The following ZNF124 variants were observed in gnomAD, a reference collection of about 807,000 sequenced individuals.
The protein encoded by ZNF124 is zinc finger protein HZF-16.
A neutral mutation model predicts 26.6 loss-of-function variants in ZNF124; 25 were observed. The ratio of observed to expected loss-of-function variants is 0.94; its 90% CI spans 0.68 to 1.31. The LOEUF is 1.31. Among genes scored for constraint, ZNF124 ranks in the 40% most tolerant of loss-of-function variants. The pLI is 0.00. For missense variants in ZNF124, 444 were observed against 422.2 expected (o/e 1.05, Z -0.45); for synonymous variants, 129 against 133.3 (o/e 0.97, Z 0.22).
intron 3 of ZNF124, among the ~76,000 whole-genome samples, chr1:247,139,689 G>A (rs768777548): frequency 1.3e-4 from 20 of 152,276 alleles, no homozygotes; most frequent in Non-Finnish European, 5.9e-5. Context: ...GGCAGGTCTG[G>A]TGGTAATGAA....
chr1:247,146,959 C>T (rs963953976), intron 3 of ZNF124, among the ~76,000 whole-genome samples: 2 of 152,068 alleles, frequency 1.3e-5, no homozygotes, highest in African/African-American at 4.8e-5. Context: ...CTGGAATGTC[C>T]ATGGGCATGC....
At position 247,144,743 on chromosome 1, in the gene ZNF124, G is replaced by A. The variant is rs569584148; in HGVS notation, c.218+14263C>T. 2.0e-5 allele frequency among the ~76,000 whole-genome samples: 3 copies of A among 152,044 alleles called. No individual in the cohort carries two copies. In the East Asian group the frequency reaches 5.8e-4, roughly 29 times the overall value. On this transcript the variant is annotated intron_variant, in intron 3 of 3. Transcript: ENST00000472531. ...GTCTAGTACAAACTAAGCTAGGGTT[G>A]CATTTAGCGGAAAGGAAGATTATCT...
In ZNF124 at chr1:247,126,324, AG is replaced by A. The variant is rs1368528230; in HGVS notation, c.219-2454del. Among the ~76,000 whole-genome samples the A allele has an allele frequency of 3.9e-5, 4 of 102,664 alleles. No homozygotes were observed. The East Asian group carries it at 7.8e-4, about 20-fold the overall frequency. 67.4% of individuals were successfully genotyped at this position (102,664 alleles called of 152,430 possible). A position where few individuals can be genotyped will look rare whatever the true frequency, so the allele number is the denominator to read the frequency against. ...GCTGTCACCTGTCACTAAGAGTCTGAGGGGGCGGGGCCTGAGGCCCTACCCA... is the reference window on the plus strand; with the variant it reads ...GCTGTCACCTGTCACTAAGAGTCTGAGGGGCGGGGCCTGAGGCCCTACCCA... On this transcript the variant is annotated intron_variant, in intron 3 of 3. Transcript: ENST00000472531.
chr1:247,162,946 C>T (rs1241294101), intron 1 of ZNF124, among the ~76,000 whole-genome samples: 1 of 152,084 alleles, frequency 6.6e-6, no homozygotes, highest in Non-Finnish European at 1.5e-5. Flanking sequence ...CTAATGGACA[C>T]CTACAGAACT....
rs907922843 is a variant in ZNF124 at position 247,159,784 on chromosome 1, C to A, written c.60G>T (p.Val20=). ...MNSVAFEDVA[V]NFTQEEWALL... ...AAGCCCACTCCTCCTGGGTGAAGTT[C>A]ACAGCCACATCCTCAAAGGCAACCG... The change falls in exon 2 of 4, where the codon GTG becomes GTT. Residue 20 remains valine, a synonymous_variant. Coordinates refer to ENST00000543802, the MANE Select transcript of ZNF124 (RefSeq NM_001297568.2). 4 of 1,613,712 alleles carry A rather than the reference C, an allele frequency of 2.5e-6. No individual in the cohort carries two copies. The highest frequency in any genetic ancestry group is 3.4e-6 in the Non-Finnish European group (4 of 1,179,916).
chr1:247,139,072 T>TC (rs1188685975), intron 3 of ZNF124, among the ~76,000 whole-genome samples: 7 of 152,224 alleles, frequency 4.6e-5, no homozygotes, highest in Non-Finnish European at 1.0e-4. Flanking sequence ...GAACCGATGT[T>TC]CATCTTACAT....
At chr1:247,136,377 A>C (rs1672483902) in intron 3 of ZNF124, among the ~76,000 whole-genome samples, 1 of 152,098 alleles carries the variant, frequency 6.6e-6, no homozygotes, top group Non-Finnish European at 1.5e-5. Flanking sequence ...TCAAATCATG[A>C]ATGAACTCCC....
intron 3 of ZNF124, among the ~76,000 whole-genome samples, chr1:247,143,089 T>C (rs1048963050): frequency 1.3e-5 from 2 of 152,180 alleles, no homozygotes; most frequent in East Asian, 1.9e-4. Context: ...TCCTCACTTC[T>C]ATTTCATCTC....
rs151087962 is a variant in ZNF124 at position 247,156,921 on chromosome 1, T to C, written c.701A>G (p.Tyr234Cys). ...HERTHTGEKP[Y>C]VCMECGKAFS... The stretch of plus-strand genomic sequence containing the variant: ...AGCTTTGCCACATTCCATGCACACA[T>C]AAGGTTTCTCTCCAGTGTGAGTTCT... Residue 234 changes from tyrosine (Y) to cysteine (C), a missense_variant, in exon 4 of 4, where the codon TAT becomes TGT. By Grantham distance (194) the Tyr-to-Cys change is radical. Coordinates refer to ENST00000543802, the MANE Select transcript of ZNF124 (RefSeq NM_001297568.2). 6.2e-6 allele frequency: 10 copies of C among 1,614,022 alleles called. No individual in the cohort carries two copies. In the African/African-American group the frequency reaches 1.2e-4, roughly 19 times the overall value.
chr1:247,166,984 A>T (rs558718601), intron 1 of ZNF124, among the ~76,000 whole-genome samples: 2 of 152,342 alleles, frequency 1.3e-5, no homozygotes, highest in Admixed American at 1.3e-4. Flanking sequence ...ATGGTTCAAT[A>T]TATGAAAAAT....
chr1:247,142,027 A>G (rs1454136850), intron 3 of ZNF124, among the ~76,000 whole-genome samples: 4 of 152,132 alleles, frequency 2.6e-5, no homozygotes, highest in Non-Finnish European at 1.5e-5. Flanking sequence ...AGGGCTGGGA[A>G]TCTCAGCCAC....
At chr1:247,134,778 C>T (rs1672445159) in intron 3 of ZNF124, among the ~76,000 whole-genome samples, 2 of 152,178 alleles carry the variant, frequency 1.3e-5, no homozygotes, top group Non-Finnish European at 2.9e-5. Context: ...AACTCTCTAC[C>T]ACAAATCAAT....
rs1298015719 is a variant in ZNF124, at chr1:247,159,078, A to G, written c.158-12T>C. On this transcript the variant is annotated splice_polypyrimidine_tract_variant and intron_variant, in intron 2 of 3. Transcript: ENST00000543802. ...TTCCCCTTTGTTTCCTAAAATGTAG[A>G]CCCAGAAATATATTACAAATTATTT... 1.2e-6 allele frequency: 2 copies of G among 1,605,244 alleles called. 1 individual carries two copies. The highest frequency in any genetic ancestry group is 4.5e-5 in the East Asian group (2 of 44,862).
At chr1:247,149,964 C>G (rs1672884039) in intron 3 of ZNF124, 1 of 152,182 alleles carries the variant, frequency 6.6e-6, no homozygotes, top group East Asian at 1.9e-4. Flanking sequence ...TGTTCACAGA[C>G]AGCAGAGGGG....
intron 3 of ZNF124, among the ~76,000 whole-genome samples, chr1:247,140,851 G>C (rs1672608316): frequency 6.6e-6 from 1 of 152,256 alleles, no homozygotes; most frequent in East Asian, 1.9e-4. Context: ...TCTGACAGTT[G>C]CAGTCATGCT....
At chr1:247,150,126 C>T (rs766761303), downstream of ZNF124, among the ~76,000 whole-genome samples, 4 of 152,230 alleles carry the variant, frequency 2.6e-5, no homozygotes, top group Middle Eastern at 3.4e-3. Context: ...TGAATTTAGG[C>T]GGAGGACAAA....
downstream of ZNF124, among the ~76,000 whole-genome samples, chr1:247,154,383 T>C (rs1673031145): frequency 6.6e-6 from 1 of 152,206 alleles, no homozygotes; most frequent in African/African-American, 2.4e-5. Context: ...CTTCACCTTC[T>C]GCCAGGACTG....
intron 1 of ZNF124, among the ~76,000 whole-genome samples, chr1:247,170,831 TAACAC>T (rs1291029074): frequency 3.0e-5 from 4 of 134,636 alleles, no homozygotes; most frequent in African/African-American, 1.3e-4. Flanking sequence ...AATCTATAGA[TAACAC>T]AACCGGTCAG....
At chr1:247,164,077 TTAAA>T in intron 1 of ZNF124, among the ~76,000 whole-genome samples, 1 of 152,084 alleles carries the variant, frequency 6.6e-6, no homozygotes, top group Non-Finnish European at 1.5e-5. Context: ...AAAAAAAGCT[TTAAA>T]TAAATTTCAA....
Sources: gnomAD v4.1 joint callset for allele counts (sites outside exome capture counted in the v4.1 genomes callset) on GRCh38, gnomAD v4.1.1 for gene constraint, MANE v1.5 for transcripts, NCBI Gene and HGNC (gene_info 2026-07-23, HGNC 2026-07-21) for gene names.